Variants in COLEC10 observed in about 807,000 individuals in gnomAD.
COLEC10 encodes the protein collectin subfamily member 10, also known as collectin-10.
A neutral mutation model predicts 28.4 loss-of-function variants in COLEC10; 22 were observed. That is an observed-to-expected ratio of 0.78 (90% CI 0.55 to 1.11). The LOEUF is 1.11. Among genes scored for constraint, COLEC10 ranks in the 50% least tolerant of loss-of-function variants. The pLI, the probability that COLEC10 is intolerant of heterozygous loss-of-function variation, is 0.00. For synonymous variants in COLEC10, 125 were observed against 116.1 expected (o/e 1.08, Z -0.49); for missense variants, 361 against 344.1 (o/e 1.05, Z -0.39).
chr8:118,960,957 A>C, the COLEC10 span, among the ~76,000 whole-genome samples: 1 of 152,182 alleles, frequency 6.6e-6, no homozygotes, highest in Non-Finnish European at 1.5e-5. Context: ...AAAAGTTTAA[A>C]TAAGAATAAT....
chr8:119,087,809 G>T (rs1236535140), intron 1 of COLEC10, among the ~76,000 whole-genome samples: 2 of 152,046 alleles, frequency 1.3e-5, no homozygotes, highest in Admixed American at 1.3e-4. Flanking sequence ...AAACGTACAT[G>T]TTGTGGAATC....
intron 3 of COLEC10, among the ~76,000 whole-genome samples, chr8:119,093,014 G>GAAT (rs1320996875): frequency 1.3e-5 from 2 of 152,194 alleles, no homozygotes; most frequent in Non-Finnish European, 2.9e-5. Context: ...AGGTCTTGAA[G>GAAT]AATAGTAACA....
the COLEC10 span, among the ~76,000 whole-genome samples, chr8:118,981,562 T>C: frequency 9.9e-5 from 15 of 152,252 alleles, no homozygotes; most frequent in South Asian, 6.2e-4. Context: ...AAAAATGAGA[T>C]ATTCAAATAT....
chr8:118,998,782 G>C (rs1395067811), intron 1 of COLEC10, among the ~76,000 whole-genome samples: 2 of 144,034 alleles, frequency 1.4e-5, no homozygotes, highest in Non-Finnish European at 3.0e-5. Context: ...GGGAGGCAGA[G>C]GTTGCAGTGA....
the COLEC10 span, among the ~76,000 whole-genome samples, chr8:118,975,495 T>C: frequency 6.6e-6 from 1 of 152,022 alleles, no homozygotes; most frequent in Admixed American, 6.6e-5. Flanking sequence ...TTTTAATGAA[T>C]GTGATGAAAT....
the COLEC10 span, among the ~76,000 whole-genome samples, chr8:118,972,796 G>A: frequency 5.3e-5 from 8 of 151,944 alleles, no homozygotes; most frequent in Non-Finnish European, 7.4e-5. Context: ...TGCTGATAAA[G>A]ACATACCTGA....
chr8:119,071,761 G>T (rs977343512), intron 1 of COLEC10, among the ~76,000 whole-genome samples: 5 of 152,036 alleles, frequency 3.3e-5, no homozygotes, highest in Admixed American at 3.3e-4. Flanking sequence ...AAGAGCTCCC[G>T]ACACATAGTG....
intron 2 of COLEC10, among the ~76,000 whole-genome samples, chr8:119,046,233 T>C (rs1355635450): frequency 1.4e-4 from 21 of 151,740 alleles, no homozygotes; most frequent in Admixed American, 1.3e-3. Context: ...TCTCCATTTG[T>C]GATCTTTTTT....
chr8:119,093,930 T>C (rs1178843390), intron 3 of COLEC10, among the ~76,000 whole-genome samples: 1 of 152,180 alleles, frequency 6.6e-6, no homozygotes, highest in Non-Finnish European at 1.5e-5. Flanking sequence ...TACTGGGCAG[T>C]TTTGGAGTGG....
intron 1 of COLEC10, among the ~76,000 whole-genome samples, chr8:119,076,976 AG>A (rs1197650492): frequency 2.6e-5 from 4 of 152,200 alleles, no homozygotes; most frequent in East Asian, 3.9e-4. Flanking sequence ...TACACCATAA[AG>A]GAAAGTCTCT....
chr8:119,035,883 T>C (rs1292806194), intron 2 of COLEC10, among the ~76,000 whole-genome samples: 1 of 152,204 alleles, frequency 6.6e-6, no homozygotes, highest in African/African-American at 2.4e-5. Flanking sequence ...GAATAAGATG[T>C]TCCCATTTCA....
At chr8:119,073,592 G>A (rs1466510164) in intron 1 of COLEC10, among the ~76,000 whole-genome samples, 1 of 151,452 alleles carries the variant, frequency 6.6e-6, no homozygotes, top group African/African-American at 2.4e-5. Context: ...TCAGTGTATC[G>A]ATACTTAGAA....
chr8:119,091,357 G>A, intron 3 of COLEC10, 137 bp downstream of exon 3: 3 of 568,706 alleles, frequency 5.3e-6, no homozygotes, highest in South Asian at 2.3e-5. Context: ...AAACCAGCCT[G>A]CACAACACAG....
intron 1 of COLEC10, among the ~76,000 whole-genome samples, chr8:119,086,368 T>C (rs1352851831): frequency 1.4e-5 from 2 of 143,578 alleles, no homozygotes; most frequent in Admixed American, 7.2e-5. Context: ...CAAACAACTG[T>C]GAGCCAGGTC....
intron 2 of COLEC10, among the ~76,000 whole-genome samples, chr8:119,016,102 G>A (rs1235566944): frequency 1.3e-5 from 2 of 151,884 alleles, no homozygotes; most frequent in Non-Finnish European, 2.9e-5. Flanking sequence ...AGATATACAC[G>A]TGCACCTATC....
the COLEC10 span, among the ~76,000 whole-genome samples, chr8:118,973,850 A>C: frequency 6.6e-6 from 1 of 151,986 alleles, no homozygotes; most frequent in African/African-American, 2.4e-5. Context: ...TACATATTTA[A>C]CTCACAATAG....
intron 1 of COLEC10, among the ~76,000 whole-genome samples, chr8:119,001,514 A>G (rs1330623228): frequency 1.3e-5 from 2 of 152,180 alleles, no homozygotes; most frequent in African/African-American, 2.4e-5. Context: ...GCCAAGCACC[A>G]TGATGCAACT....
At chr8:119,036,539 T>C (rs1037660988) in intron 2 of COLEC10, among the ~76,000 whole-genome samples, 1 of 152,206 alleles carries the variant, frequency 6.6e-6, no homozygotes, top group Non-Finnish European at 1.5e-5. Flanking sequence ...CAGTGTTTAT[T>C]AGGCATGTAT....
chr8:119,056,627 G>GAACA (rs146892555), intron 2 of COLEC10, among the ~76,000 whole-genome samples: 8,114 of 151,948 alleles, frequency 0.053, 347 homozygotes, highest in East Asian at 0.16. Context: ...CTTATTATCT[G>GAACA]AACAAACAAA....
Sources: allele counts gnomAD v4.1 joint callset (sites outside exome capture counted in the v4.1 genomes callset), GRCh38; gene constraint gnomAD v4.1.1; transcripts MANE v1.5; gene names NCBI Gene and HGNC (gene_info 2026-07-23, HGNC 2026-07-21).